KIZ: variants seen among roughly 807,000 people sequenced by gnomAD.
KIZ encodes kizuna centrosomal protein, also known as centrosomal protein kizuna.
A neutral mutation model predicts 79.6 loss-of-function variants in KIZ; 68 were observed. That is an observed-to-expected ratio of 0.85 (90% CI 0.70 to 1.05). The LOEUF (loss-of-function observed/expected upper bound fraction) is 1.05, where lower values mean the gene tolerates loss of function less well. Among genes scored for constraint, KIZ ranks in the 50% least tolerant of loss-of-function variants. The probability of loss-of-function intolerance (pLI) is 0.00; values close to 1 mark genes in which losing one functional copy is unlikely to be tolerated. For synonymous variants in KIZ, 280 were observed against 281.8 expected (o/e 0.99, Z 0.06); for missense variants, 797 against 800.4 (o/e 1.00, Z 0.05).
intron 6 of KIZ, among the ~76,000 whole-genome samples, chr20:21,169,698 C>G (rs757361304): frequency 3.9e-4 from 59 of 152,302 alleles, no homozygotes; most frequent in Middle Eastern, 3.4e-3. Context: ...AGTTTCTCTA[C>G]TTGAAAATGA....
intron 6 of KIZ, among the ~76,000 whole-genome samples, chr20:21,169,142 A>C (rs889326032): frequency 1.2e-4 from 18 of 152,352 alleles, no homozygotes; most frequent in African/African-American, 4.1e-4. Flanking sequence ...CAGAGTGAAC[A>C]GGCAACCTAC....
In KIZ at chr20:21,162,506, A is replaced by C. The variant is rs1568934148; in HGVS notation, c.1041A>C (p.Ser347=). The C allele has an allele frequency of 6.2e-7, 1 of 1,607,924 alleles. No homozygotes were observed. The change falls in exon 5 of 13, where the codon TCA becomes TCC. Residue 347 remains serine (S), a splice_region_variant and synonymous_variant. Transcript: ENST00000619189. ...AGCATTCTCCTTGGGAAGGTGTTTC[A>C]GGTGGGATGAGAGGCTGAGTTTGGT... The part of the protein sequence containing the change: ...QEKHSPWEGV[S]DHLAHREPKS...
intron 6 of KIZ, among the ~76,000 whole-genome samples, chr20:21,176,366 C>T (rs1165311067): frequency 1.3e-5 from 2 of 151,930 alleles, no homozygotes; most frequent in African/African-American, 2.4e-5. Context: ...GGGAAGGAGA[C>T]AAAAACAAGG....
chr20:21,155,716 A>G (rs1327491234), intron 4 of KIZ, among the ~76,000 whole-genome samples: 1 of 152,232 alleles, frequency 6.6e-6, no homozygotes, highest in Non-Finnish European at 1.5e-5. Context: ...ATGGTTTTCA[A>G]AAGTTTAAAT....
chr20:21,126,021 T>G, upstream of KIZ: 1 of 1,344,214 alleles, frequency 7.4e-7, no homozygotes, highest in Non-Finnish European at 9.6e-7. Flanking sequence ...CCCGGCGCGG[T>G]GTTTACCCGC....
intron 10 of KIZ, among the ~76,000 whole-genome samples, chr20:21,229,924 T>G (rs537605387): frequency 6.6e-6 from 1 of 152,308 alleles, no homozygotes; most frequent in South Asian, 2.1e-4. Context: ...ATTTAAGATT[T>G]TGTTTTAATT....
chr20:21,200,554 A>T (rs900917658), intron 6 of KIZ, among the ~76,000 whole-genome samples: 1 of 151,728 alleles, frequency 6.6e-6, no homozygotes, highest in Non-Finnish European at 1.5e-5. Flanking sequence ...CAGGCGTTAG[A>T]TTCTCATAAG....
chr20:21,193,548 A>G (rs1028656344), intron 6 of KIZ, among the ~76,000 whole-genome samples: 1 of 152,090 alleles, frequency 6.6e-6, no homozygotes, highest in African/African-American at 2.4e-5. Flanking sequence ...ATAAAGACAC[A>G]TGGACACCTA....
intron 9 of KIZ, among the ~76,000 whole-genome samples, chr20:21,222,363 G>A (rs1285912819): frequency 2.0e-5 from 3 of 152,190 alleles, no homozygotes. Context: ...ACCTCTGGGA[G>A]TGGCACCCAG....
chr20:21,148,248 G>T (rs538387749), intron 4 of KIZ, among the ~76,000 whole-genome samples: 5 of 152,124 alleles, frequency 3.3e-5, no homozygotes, highest in Non-Finnish European at 5.9e-5. Flanking sequence ...TTATAAAAAG[G>T]TATTTTTTAA....
At chr20:21,167,922 CTTTTT>C (rs1444218419) in intron 6 of KIZ, among the ~76,000 whole-genome samples, 1 of 151,872 alleles carries the variant, frequency 6.6e-6, no homozygotes, top group African/African-American at 2.4e-5. Context: ...AAAATAGTTT[CTTTTT>C]TTTATTATTA....
chr20:21,157,454 C>G (rs1156546438), intron 4 of KIZ, among the ~76,000 whole-genome samples: 1 of 152,144 alleles, frequency 6.6e-6, no homozygotes, highest in Non-Finnish European at 1.5e-5. Flanking sequence ...TACTTGCTGT[C>G]ACAGAGAGTG....
At position 21,170,875 on chromosome 20, in the gene KIZ, T is replaced by C. The variant is rs372169428; in HGVS notation, c.1352+7716T>C. Among the ~76,000 whole-genome samples, 9 of 152,292 alleles carry C rather than the reference T, an allele frequency of 5.9e-5. No individual in the cohort carries two copies. In the East Asian group the frequency reaches 1.7e-3, roughly 29 times the overall value. ...CCCAAATAAATGAGAACATGCAAAG[T>C]TTGTCTTTCTGTGCCTGGCTTAAAT... On this transcript the variant is annotated intron_variant, in intron 6 of 12. Coordinates refer to ENST00000619189, the MANE Select transcript of KIZ (RefSeq NM_018474.6).
At chr20:21,170,391 CTTT>C (rs1219875909) in intron 6 of KIZ, among the ~76,000 whole-genome samples, 3 of 142,674 alleles carry the variant, frequency 2.1e-5, no homozygotes, top group African/African-American at 2.6e-5. Flanking sequence ...AATACTAGAT[CTTT>C]TTTTTTTTTT....
intron 6 of KIZ, among the ~76,000 whole-genome samples, chr20:21,164,490 T>C (rs1442258650): frequency 1.3e-5 from 2 of 152,188 alleles, no homozygotes; most frequent in African/African-American, 4.8e-5. Flanking sequence ...TCAGAAACTT[T>C]ATTACTGGAG....
chr20:21,223,967 T>G (rs1209754092), intron 9 of KIZ, among the ~76,000 whole-genome samples: 1 of 147,154 alleles, frequency 6.8e-6, no homozygotes, highest in Non-Finnish European at 1.5e-5. Context: ...CGTGAGCCAC[T>G]GCACCCGGCC....
At chr20:21,221,793 A>G (rs2036509646) in intron 9 of KIZ, among the ~76,000 whole-genome samples, 1 of 152,186 alleles carries the variant, frequency 6.6e-6, no homozygotes, top group Non-Finnish European at 1.5e-5. Flanking sequence ...TATAGTGGCT[A>G]GGTTGTCACT....
chr20:21,174,814 G>T (rs2122844219), intron 6 of KIZ, among the ~76,000 whole-genome samples: 1 of 152,314 alleles, frequency 6.6e-6, no homozygotes, highest in South Asian at 2.1e-4. Context: ...CCTCTTCAAA[G>T]TTAAGTGTAG....
chr20:21,232,391 G>C (rs965966812), intron 10 of KIZ, among the ~76,000 whole-genome samples: 4 of 152,180 alleles, frequency 2.6e-5, no homozygotes, highest in Admixed American at 2.6e-4. Context: ...TTTGCTGCCC[G>C]TGTGTTATAA....
Sources: allele counts gnomAD v4.1 joint callset (sites outside exome capture counted in the v4.1 genomes callset), GRCh38; gene constraint gnomAD v4.1.1; transcripts MANE v1.5; gene names NCBI Gene and HGNC (gene_info 2026-07-23, HGNC 2026-07-21).